The following OOEP variants were observed in gnomAD, a reference collection of about 807,000 sequenced individuals.
The protein encoded by OOEP is oocyte-expressed protein homolog.
OOEP carries 16 observed loss-of-function variants against 13.7 expected under a neutral mutation model. The observed-to-expected ratio is 1.16, with a 90% CI of 0.79 to 1.77. The LOEUF is 1.77. Among genes scored for constraint, OOEP ranks in the 40% most tolerant of loss-of-function variants. The pLI is 0.00. For missense variants in OOEP, 195 were observed against 193.1 expected (o/e 1.01, Z -0.06); for synonymous variants, 89 against 77.1 (o/e 1.15, Z -0.81).
intron 2 of OOEP, among the ~76,000 whole-genome samples, chr6:73,387,446 G>A (rs557325913): frequency 2.6e-5 from 4 of 151,940 alleles, no homozygotes; most frequent in African/African-American, 9.7e-5. Context: ...CATGGGAGGC[G>A]GAGGTTGCAG....
intron 2 of OOEP, among the ~76,000 whole-genome samples, chr6:73,386,039 C>T (rs906576097): frequency 3.3e-5 from 5 of 151,836 alleles, no homozygotes; most frequent in Non-Finnish European, 7.4e-5. Context: ...CCAGTGCAAT[C>T]AGGCAAGAAA....
chr6:73,375,128 A>G (rs1769118722), intron 2 of OOEP, among the ~76,000 whole-genome samples: 1 of 152,142 alleles, frequency 6.6e-6, no homozygotes, highest in South Asian at 2.1e-4. Context: ...CACCCAGCCA[A>G]CTCTTCTTTT....
chr6:73,381,224 AAAAAGAAGAAG>A (rs997261789), intron 2 of OOEP, among the ~76,000 whole-genome samples: 3 of 142,004 alleles, frequency 2.1e-5, no homozygotes, highest in African/African-American at 8.0e-5. Flanking sequence ...AAAAAAAAAA[AAAAAGAAGAAG>A]AAAAAGAAGA....
chr6:73,369,685 G>C lies in OOEP; in HGVS notation c.108C>G (p.Ile36Met). 3 of 1,614,046 alleles carry C rather than the reference G, an allele frequency of 1.9e-6. No homozygotes were observed. Among genetic ancestry groups the C allele is most frequent in the East Asian group, 2.2e-5 (1 of 44,880 alleles). ...CCTGCACCGGAAACCACCAGGGCCG[G>C]ATGCGAATCTGTGGCGGCGGAAGTG... ...RLPLPPPQIR[I>M]RPWWFPVQEL... is the part of the protein sequence containing the mutation. The change falls in exon 1 of 3, where the codon ATC (isoleucine) becomes ATG (methionine). Residue 36 changes from isoleucine to methionine, a missense_variant. Ile to Met is a conservative substitution (Grantham distance 10). Coordinates refer to ENST00000370359, the MANE Select transcript of OOEP (RefSeq NM_001080507.3).
intron 2 of OOEP, among the ~76,000 whole-genome samples, chr6:73,394,112 G>A (rs997485170): frequency 6.6e-6 from 1 of 152,146 alleles, no homozygotes; most frequent in Non-Finnish European, 1.5e-5. Flanking sequence ...AGGTGGAGGT[G>A]GGAGGATCAC....
At chr6:73,369,132 A>G in intron 2 of OOEP, 74 bp downstream of exon 2, 1 of 1,454,588 alleles carries the variant, frequency 6.9e-7, no homozygotes, top group Non-Finnish European at 9.4e-7. Context: ...TTAAGGGAGG[A>G]TGGAAGGAAA....
At chr6:73,387,724 TG>T (rs1459939538) in intron 2 of OOEP, 1 of 151,944 alleles carries the variant, frequency 6.6e-6, no homozygotes, top group African/African-American at 2.4e-5. Flanking sequence ...CCCGAGTAGC[TG>T]GGACTACAGG....
At chr6:73,389,732 T>TA (rs1415968754) in intron 2 of OOEP, among the ~76,000 whole-genome samples, 1 of 151,692 alleles carries the variant, frequency 6.6e-6, no homozygotes. Flanking sequence ...CATTAGGAGA[T>TA]ATACCTAATG....
chr6:73,388,707 C>T (rs369910924), intron 2 of OOEP, among the ~76,000 whole-genome samples: 23 of 152,310 alleles, frequency 1.5e-4, no homozygotes, highest in African/African-American at 5.5e-4. Flanking sequence ...ATGGGGATAC[C>T]CACATCCATC....
intron 2 of OOEP, among the ~76,000 whole-genome samples, chr6:73,381,205 TAA>T (rs66507015): frequency 0.061 from 6,128 of 100,496 alleles, 172 homozygotes; most frequent in South Asian, 0.094. Flanking sequence ...AAAAAAGTGT[TAA>T]AAAAAAAAAA....
rs867845596 is a variant in OOEP, at chr6:73,369,246, G to A, written c.330C>T (p.Leu110=). 2.5e-6 allele frequency: 4 copies of A among 1,613,794 alleles called. No homozygotes were observed. Among genetic ancestry groups the A allele is most frequent in the East Asian group, 4.5e-5 (2 of 44,860 alleles). ...PRVQNRVKSM[L]LCLAWFHREH... ...CTCGGTGAAACCATGCCAGGCACAG[G>A]AGCATGCTCTTCACCCGATTCTGTA... Residue 110 remains leucine, a synonymous_variant, in exon 2 of 3, where the codon CTC becomes CTT. Transcript: ENST00000370359.
chr6:73,377,300 T>C (rs1451228260), intron 2 of OOEP, among the ~76,000 whole-genome samples: 2 of 152,174 alleles, frequency 1.3e-5, no homozygotes, highest in Non-Finnish European at 2.9e-5. Flanking sequence ...CCCTTTTAAA[T>C]GTAGGCAGCA....
intron 2 of OOEP, among the ~76,000 whole-genome samples, chr6:73,382,438 G>A (rs1475726870): frequency 6.6e-6 from 1 of 151,240 alleles, no homozygotes; most frequent in Non-Finnish European, 1.5e-5. Flanking sequence ...GGCTGGTCTC[G>A]AACTCCTGAC....
At chr6:73,371,762 A>AT (rs367906294), upstream of OOEP, among the ~76,000 whole-genome samples, 47 of 139,766 alleles carry the variant, frequency 3.4e-4, 1 homozygote, top group African/African-American at 7.1e-4. Flanking sequence ...AAAATAAAAA[A>AT]AAATAAAAAT....
chr6:73,385,077 T>C (rs1459651021), intron 2 of OOEP, among the ~76,000 whole-genome samples: 1 of 147,602 alleles, frequency 6.8e-6, no homozygotes, highest in Admixed American at 6.8e-5. Flanking sequence ...CTGGGCGTGG[T>C]GGCTCACGCC....
intron 1 of OOEP, chr6:73,394,688 A>G (rs1433369303): frequency 1.5e-6 from 1 of 659,284 alleles, no homozygotes; most frequent in Non-Finnish European, 2.5e-6. Flanking sequence ...CGATTGGCTA[A>G]AACTGGGAAA....
At chr6:73,372,262 A>G (rs1472467745), upstream of OOEP, among the ~76,000 whole-genome samples, 2 of 152,166 alleles carry the variant, frequency 1.3e-5, no homozygotes, top group African/African-American at 4.8e-5. Flanking sequence ...AACTTCTCTC[A>G]AATTCCACTT....
At chr6:73,374,354 T>C (rs1769105244), upstream of OOEP, among the ~76,000 whole-genome samples, 1 of 151,944 alleles carries the variant, frequency 6.6e-6, no homozygotes, top group Non-Finnish European at 1.5e-5. Context: ...CAGGACCCAC[T>C]CCCATGTGTT....
chr6:73,374,695 T>A (rs963845842), upstream of OOEP, among the ~76,000 whole-genome samples: 2 of 152,182 alleles, frequency 1.3e-5, no homozygotes, highest in Non-Finnish European at 2.9e-5. Flanking sequence ...GTGCTGGGAT[T>A]ACGACATGAG....
Sources: gnomAD v4.1 joint callset for allele counts (sites outside exome capture counted in the v4.1 genomes callset) on GRCh38, gnomAD v4.1.1 for gene constraint, MANE v1.5 for transcripts, NCBI Gene and HGNC (gene_info 2026-07-23, HGNC 2026-07-21) for gene names.